Variants in AMN observed in about 807,000 individuals in gnomAD.
AMN encodes the protein amnion associated transmembrane protein.
Under a neutral mutation model 49.1 loss-of-function variants are expected in AMN, and 40 were observed. The observed-to-expected ratio is 0.81, with a 90% CI of 0.63 to 1.06. The LOEUF (loss-of-function observed/expected upper bound fraction) is 1.06, where lower values mean the gene tolerates loss of function less well. Ranked by LOEUF, AMN falls within the 50% of genes least tolerant of loss-of-function variation. AMN has a pLI of 0.00. For synonymous variants in AMN, 380 were observed against 313.3 expected (o/e 1.21, Z -2.25); for missense variants, 701 against 662.8 (o/e 1.06, Z -0.63).
rs1595433914 is a variant in AMN at position 102,929,424 on chromosome 14, C to T, written c.652-4C>T. The T allele has an allele frequency of 6.5e-7, 1 of 1,530,296 alleles. No homozygotes were observed. Among genetic ancestry groups the T allele is most frequent in the African/African-American group, 1.4e-5 (1 of 72,622 alleles). 94.8% of individuals were successfully genotyped at this position (1,530,296 alleles called of 1,614,324 possible). On this transcript the variant is annotated splice_region_variant and splice_polypyrimidine_tract_variant and intron_variant, in intron 6 of 11. Transcript: ENST00000299155. ...TCCGCGCTGACCACCGCCCCTCGCA[C>T]CAGGCGCAGCCGTGGATCTGCGCGG...
rs1555381285 is a variant in AMN, at chr14:102,928,711, T to C, written c.296-47T>C. 1.1e-5 allele frequency: 18 copies of C among 1,579,692 alleles called. No individual in the cohort carries two copies. The Admixed American group carries it at 2.8e-4, about 25-fold the overall frequency. On this transcript the variant is annotated intron_variant, in intron 4 of 11. Coordinates refer to ENST00000299155, the MANE Select transcript of AMN (RefSeq NM_030943.4). ...TGGCGTGGCGTGGCGTGGCGTGGTG[T>C]GGCGCGGCGCTTGTTCCGTGGAGCT... is the stretch of plus-strand genomic sequence containing the variant.
In AMN at chr14:102,928,952, C is replaced by T; in HGVS notation, c.490C>T (p.Arg164Cys). The change falls in exon 5 of 12, where the codon CGC becomes TGC. Residue 164 changes from arginine to cysteine, a missense_variant. Arg to Cys is a radical substitution (Grantham distance 180). Coordinates refer to ENST00000299155, the MANE Select transcript of AMN (RefSeq NM_030943.4). ...LGPGASPVRV[R>C]SISALGRTFT... ...CCCTGGCGCTAGCCCCGTGCGTGTCCGCAGCATCTCGGCTCTGGGCCGGGT... is the reference window on the plus strand; with the variant it reads ...CCCTGGCGCTAGCCCCGTGCGTGTCTGCAGCATCTCGGCTCTGGGCCGGGT... 6.3e-7 allele frequency: 1 copy of T among 1,599,566 alleles called. No individual in the cohort carries two copies. The highest frequency in any genetic ancestry group is 8.5e-7 in the Non-Finnish European group (1 of 1,179,566).
chr14:102,930,513 G>T lies in AMN; in HGVS notation c.1257+20G>T, dbSNP rs778907056. On this transcript the variant is annotated intron_variant, in intron 11 of 11. Transcript: ENST00000299155. The stretch of plus-strand genomic sequence containing the variant: ...GAGCTGGTGAGGGGGCTGGAGGGGG[G>T]ACCGGGGCCTCCTCGGGGCCGGGAC... 3 of 1,540,002 alleles carry T rather than the reference G, an allele frequency of 1.9e-6. No individual in the cohort carries two copies. Among genetic ancestry groups the T allele is most frequent in the Admixed American group, 3.9e-5 (2 of 50,698 alleles).
chr14:102,928,675 G>C (rs1891246188), intron 4 of AMN, 83 bp from the exon 5 acceptor site: 1 of 1,532,072 alleles, frequency 6.5e-7, no homozygotes, highest in East Asian at 2.4e-5. Flanking sequence ...GGGAGGTCGT[G>C]CTCAGACGCG....
In AMN at chr14:102,925,475, G is replaced by A. The variant is rs571680657; in HGVS notation, c.207+1496G>A. Among the ~76,000 whole-genome samples, 16 of 152,322 alleles carry A rather than the reference G, an allele frequency of 1.1e-4. No homozygotes were observed. The East Asian group carries it at 2.3e-3, about 22-fold the overall frequency. ...GGGAAACAGGAGGAGGGCAGGGAGA[G>A]GGAGGCGGTTGCCCCTTGTGGCCCG... On this transcript the variant is annotated intron_variant, in intron 3 of 11. Coordinates refer to ENST00000299155, the MANE Select transcript of AMN (RefSeq NM_030943.4).
rs1480301843 is a variant in AMN at position 102,923,847 on chromosome 14, C to CA, written c.162+18_162+19insA. The stretch of plus-strand genomic sequence containing the variant: ...CGGACAAGGTGCCTGGGAGCGCCGG[C>CA]GGGGTCGGTGATGGGCCTGGACCCC... On this transcript the variant is annotated intron_variant, in intron 2 of 11. Coordinates refer to ENST00000299155, the MANE Select transcript of AMN (RefSeq NM_030943.4). 6.8e-6 allele frequency: 11 copies of CA among 1,612,514 alleles called. No homozygotes were observed. The highest frequency in any genetic ancestry group is 9.3e-6 in the Non-Finnish European group (11 of 1,179,704).
At chr14:102,923,322 A>C in intron 1 of AMN, 1 of 315,498 alleles carries the variant, frequency 3.2e-6, no homozygotes. Context: ...TCCTCCGGGA[A>C]GCCTTCCTGA....
chr14:102,924,054 C>A, intron 3 of AMN, 75 bp downstream of exon 3: 1 of 1,601,452 alleles, frequency 6.2e-7, no homozygotes, highest in Non-Finnish European at 8.5e-7. Flanking sequence ...ACTGCTGTGC[C>A]TTGAGGGCGG....
In AMN at chr14:102,930,242, G is replaced by T. The variant is rs1341638037; in HGVS notation, c.1084G>T (p.Ala362Ser). Residue 362 changes from alanine (A) to serine (S), a missense_variant, in exon 10 of 12, where the codon GCG becomes TCG. Coordinates refer to ENST00000299155, the MANE Select transcript of AMN (RefSeq NM_030943.4). Reference protein sequence around the residue: ...HVWGSSAAGLAGGVAAAVLLA... With the variant: ...HVWGSSAAGLSGGVAAAVLLA... ...CTGGGGCAGCTCCGCGGCTGGGCTG[G>T]CGGGCGGCGTGGCGGCTGCCGTGCT... 5 of 1,384,324 alleles carry T rather than the reference G, an allele frequency of 3.6e-6. No homozygotes were observed. The highest frequency in any genetic ancestry group is 4.7e-6 in the Non-Finnish European group (5 of 1,071,498). 85.8% of individuals were successfully genotyped at this position (1,384,324 alleles called of 1,614,324 possible). A position where few individuals can be genotyped will look rare whatever the true frequency, so the allele number is the denominator to read the frequency against.
rs1891336710 is a variant in AMN at position 102,930,704 on chromosome 14, G to A, written c.*24G>A. 2.6e-6 allele frequency: 4 copies of A among 1,559,246 alleles called. No homozygotes were observed. The highest frequency in any genetic ancestry group is 2.4e-5 in the East Asian group (1 of 41,676). ...GAGCGGCCGCCTGACCGTCGACCTT[G>A]GGGCTCTCCACCCGCTCTGGCCCCA... On this transcript the variant is annotated 3_prime_UTR_variant, in exon 12 of 12. Transcript: ENST00000299155.
intron 1 of AMN, chr14:102,923,499 G>GT (rs1287135999): frequency 6.8e-6 from 4 of 583,972 alleles, no homozygotes; most frequent in Non-Finnish European, 9.2e-6. Flanking sequence ...GGCTCTGCAG[G>GT]TATCAGTAGA....
chr14:102,928,687 G>A, intron 4 of AMN, 71 bp from the exon 5 acceptor site: 1 of 1,514,204 alleles, frequency 6.6e-7, no homozygotes, highest in Non-Finnish European at 8.9e-7. Context: ...TCAGACGCGT[G>A]GCGTGGCGTG....
At position 102,930,337 on chromosome 14, in the gene AMN, G is replaced by T. The variant is rs1244231809; in HGVS notation, c.1169+10G>T. 1 of 1,408,054 alleles carries T rather than the reference G, an allele frequency of 7.1e-7. No individual in the cohort carries two copies. 87.2% of individuals were successfully genotyped at this position (1,408,054 alleles called of 1,614,324 possible). A position where few individuals can be genotyped will look rare whatever the true frequency, so the allele number is the denominator to read the frequency against. ...GCGCGGGGAGGCTCAGGTACGCGGGGCGGGGGCGCGGAGGTGGGGCTGGGG... is the reference window on the plus strand; with the variant it reads ...GCGCGGGGAGGCTCAGGTACGCGGGTCGGGGGCGCGGAGGTGGGGCTGGGG... On this transcript the variant is annotated intron_variant, in intron 10 of 11. Coordinates refer to ENST00000299155, the MANE Select transcript of AMN (RefSeq NM_030943.4).
In AMN at chr14:102,930,279, T is replaced by TGGTCCTGCTGGTGGCGCCGCC. The variant is rs1891310840; in HGVS notation, c.1123_1143dup (p.Val375_Pro381dup). ...GCGGCTGCCGTGCTGCTGGCGCTGC[T>TGGTCCTGCTGGTGGCGCCGCC]GGTCCTGCTGGTGGCGCCGCCGCTG... is the stretch of plus-strand genomic sequence containing the variant. On this transcript the variant is annotated inframe_insertion, in exon 10 of 12. Transcript: ENST00000299155. 7.3e-7 allele frequency: 1 copy of TGGTCCTGCTGGTGGCGCCGCC among 1,375,612 alleles called. No individual in the cohort carries two copies. Among genetic ancestry groups the TGGTCCTGCTGGTGGCGCCGCC allele is most frequent in the Non-Finnish European group, 9.3e-7 (1 of 1,070,516 alleles). The allele number at this position is 1,375,612 out of a possible 1,614,324, so 85.2% of individuals were successfully genotyped here. A position where few individuals can be genotyped will look rare whatever the true frequency, so the allele number is the denominator to read the frequency against.
rs774189907 is a variant in AMN at position 102,930,244 on chromosome 14, G to GGGCGGCGT, written c.1093_1100dup (p.Ala368TrpfsTer49). The GGGCGGCGT allele has an allele frequency of 1.4e-6, 2 of 1,382,574 alleles. No individual in the cohort carries two copies. The highest frequency in any genetic ancestry group is 1.9e-6 in the Non-Finnish European group (2 of 1,070,644). 85.6% of individuals were successfully genotyped at this position (1,382,574 alleles called of 1,614,324 possible). ...GGGGCAGCTCCGCGGCTGGGCTGGC[G>GGGCGGCGT]GGCGGCGTGGCGGCTGCCGTGCTGC... On this transcript the variant is annotated frameshift_variant, in exon 10 of 12. Coordinates refer to ENST00000299155, the MANE Select transcript of AMN (RefSeq NM_030943.4). LOFTEE classifies it high-confidence loss of function.
rs150790705 is a variant in AMN, at chr14:102,928,321, C to G, written c.208-105C>G. 1,251 of 1,067,388 alleles carry G rather than the reference C, an allele frequency of 1.2e-3. 8 individuals carry two copies. The East Asian group carries it at 0.027, about 23-fold the overall frequency. 66.1% of individuals were successfully genotyped at this position (1,067,388 alleles called of 1,614,324 possible). A position where few individuals can be genotyped will look rare whatever the true frequency, so the allele number is the denominator to read the frequency against. On this transcript the variant is annotated intron_variant, in intron 3 of 11. Transcript: ENST00000299155. ...GGCCTGAGCTCGCCCGGGCTCCTTC[C>G]GTGCACAGGGTCTCGGCTTCTCGTC...
chr14:102,923,110 G>A (rs568833269), intron 1 of AMN: 3 of 272,444 alleles, frequency 1.1e-5, no homozygotes, highest in Non-Finnish European at 2.1e-5. Flanking sequence ...GTCCCCAAGG[G>A]AGCACTGAGC....
rs752265131 is a variant in AMN at position 102,924,016 on chromosome 14, TCA to T, written c.207+40_207+41del. The stretch of plus-strand genomic sequence containing the variant: ...CTGCTACTGCCACTGGGCTGGGGGT[TCA>T]CAGAGTCTCTGAAGCGCCTTCAGGG... On this transcript the variant is annotated intron_variant, in intron 3 of 11. Coordinates refer to ENST00000299155, the MANE Select transcript of AMN (RefSeq NM_030943.4). 7 of 1,613,098 alleles carry T rather than the reference TCA, an allele frequency of 4.3e-6. 1 individual carries two copies. In the South Asian group the frequency reaches 6.6e-5, roughly 15 times the overall value.
chr14:102,930,252 T>A lies in AMN; in HGVS notation c.1094T>A (p.Val365Glu), dbSNP rs1487562363. ...GSSAAGLAGG[V>E]AAAVLLALLV... The stretch of plus-strand genomic sequence containing the variant: ...TCCGCGGCTGGGCTGGCGGGCGGCG[T>A]GGCGGCTGCCGTGCTGCTGGCGCTG... Residue 365 changes from valine to glutamate, a missense_variant, in exon 10 of 12, where the codon GTG (valine) becomes GAG (glutamate). By Grantham distance (121) the Val-to-Glu change is moderately radical. Transcript: ENST00000299155. The A allele has an allele frequency of 2.5e-5, 34 of 1,378,984 alleles. No homozygotes were observed. Among genetic ancestry groups the A allele is most frequent in the Non-Finnish European group, 3.2e-5 (34 of 1,068,870 alleles). 85.4% of individuals were successfully genotyped at this position (1,378,984 alleles called of 1,614,324 possible).
Sources: gnomAD v4.1 joint callset for allele counts (sites outside exome capture counted in the v4.1 genomes callset) on GRCh38, gnomAD v4.1.1 for gene constraint, MANE v1.5 for transcripts, NCBI Gene and HGNC (gene_info 2026-07-23, HGNC 2026-07-21) for gene names.